Variants in C3orf33 observed in about 807,000 individuals in gnomAD.
The protein encoded by C3orf33 is AP-1 activity suppressor.
In C3orf33, 23 loss-of-function variants were observed where a neutral mutation model predicts 28.7. The observed-to-expected ratio is 0.80, with a 90% CI of 0.58 to 1.13. The LOEUF (loss-of-function observed/expected upper bound fraction) is 1.13, where lower values mean the gene tolerates loss of function less well. Among genes scored for constraint, C3orf33 ranks in the 50% most tolerant of loss-of-function variants. The pLI, the probability that C3orf33 is intolerant of heterozygous loss-of-function variation, is 0.00. For synonymous variants in C3orf33, 119 were observed against 120.5 expected, an observed-to-expected ratio of 0.99 and a Z score of 0.08; for missense variants, 327 against 353.4, an observed-to-expected ratio of 0.93 and a Z score of 0.60.
intron 2 of C3orf33, among the ~76,000 whole-genome samples, chr3:155,801,914 C>T: frequency 6.6e-6 from 1 of 152,008 alleles, no homozygotes; most frequent in East Asian, 1.9e-4. Flanking sequence ...CCACACCTGG[C>T]TAATTGTTTG....
chr3:155,783,143 T>A (rs112445334), intron 2 of C3orf33, among the ~76,000 whole-genome samples: 2,806 of 151,492 alleles, frequency 0.019, 54 homozygotes, highest in Non-Finnish European at 0.029. Flanking sequence ...TAAGGGATAC[T>A]CAACCCATTC....
rs149128542 is a variant in C3orf33, at chr3:155,801,372, C to T, written c.174+1160G>A. On this transcript the variant is annotated intron_variant, in intron 2 of 4. Coordinates refer to ENST00000340171, the MANE Select transcript of C3orf33 (RefSeq NM_001308229.2). ...ATCTAATCCACTTCTGGGTATATAA[C>T]TGAATCTCAAAATAACTAAAAGTAG... Among the ~76,000 whole-genome samples, 13 of 151,284 alleles carry T rather than the reference C, an allele frequency of 8.6e-5. 1 individual carries two copies. Among genetic ancestry groups the T allele is most frequent in the Admixed American group, 1.3e-4 (2 of 15,138 alleles).
At chr3:155,791,481 G>C (rs987686241) in intron 2 of C3orf33, among the ~76,000 whole-genome samples, 6 of 152,098 alleles carry the variant, frequency 3.9e-5, no homozygotes, top group African/African-American at 1.4e-4. Context: ...TGCAGCTTAG[G>C]TATCAGCTTT....
intron 1 of C3orf33, chr3:155,805,504 G>A: frequency 2.4e-6 from 1 of 416,698 alleles, no homozygotes; most frequent in Non-Finnish European, 4.9e-6. Flanking sequence ...GAGATCACTT[G>A]AGGCCAGGAG....
intron 2 of C3orf33, among the ~76,000 whole-genome samples, chr3:155,799,530 A>C (rs1292359765): frequency 6.6e-6 from 1 of 152,080 alleles, no homozygotes; most frequent in Non-Finnish European, 1.5e-5. Flanking sequence ...CTCTCCAAAA[A>C]GTACAAAAAT....
intron 2 of C3orf33, among the ~76,000 whole-genome samples, chr3:155,785,079 C>T (rs956145687): frequency 2.0e-5 from 3 of 151,242 alleles, no homozygotes; most frequent in African/African-American, 7.3e-5. Context: ...GGTACCTAAA[C>T]CAATATCAGA....
intron 2 of C3orf33, among the ~76,000 whole-genome samples, chr3:155,783,773 A>G (rs1012203243): frequency 6.6e-6 from 1 of 152,190 alleles, no homozygotes; most frequent in Non-Finnish European, 1.5e-5. Context: ...GGCCTGTACT[A>G]CATTTTTAAA....
chr3:155,783,929 G>T lies in C3orf33; in HGVS notation c.175-8081C>A, dbSNP rs535506697. Among the ~76,000 whole-genome samples the T allele has an allele frequency of 1.2e-3, 172 of 145,776 alleles. 1 individual carries two copies. Among genetic ancestry groups the T allele is most frequent in the Admixed American group, 0.01 (148 of 14,578 alleles). ...TTTGTTTTGTTTTGTTTTGTTTGGG[G>T]TTTTTTTTTTGTTTTTTTTGAGACA... is the stretch of plus-strand genomic sequence containing the variant. On this transcript the variant is annotated intron_variant, in intron 2 of 4. Coordinates refer to ENST00000340171, the MANE Select transcript of C3orf33 (RefSeq NM_001308229.2).
chr3:155,763,828 T>C lies in C3orf33; in HGVS notation c.574A>G (p.Lys192Glu). The C allele has an allele frequency of 1.3e-6, 2 of 1,577,304 alleles. No individual in the cohort carries two copies. The highest frequency in any genetic ancestry group is 1.7e-6 in the Non-Finnish European group (2 of 1,167,578). ...VLVKGLKYDSKIYWTVHRNLL... is the reference protein window; with the variant it reads ...VLVKGLKYDSEIYWTVHRNLL... ...TTTCTGTGAACTGTCCAGTAGATTT[T>C]AGAATCATATTTAAGCCCTTTAACA... The change falls in exon 5 of 5, where the codon AAA becomes GAA. Residue 192 changes from lysine (K) to glutamate (E), a missense_variant. Coordinates refer to ENST00000340171, the MANE Select transcript of C3orf33 (RefSeq NM_001308229.2).
intron 3 of C3orf33, among the ~76,000 whole-genome samples, chr3:155,770,733 A>G (rs1559988686): frequency 6.6e-6 from 1 of 151,652 alleles, no homozygotes; most frequent in Admixed American, 6.6e-5. Context: ...CAATGGTGCA[A>G]TCTTGGCTCA....
At position 155,763,457 on chromosome 3, in the gene C3orf33, G is replaced by A. The variant is rs1293732791; in HGVS notation, c.*60C>T. On this transcript the variant is annotated 3_prime_UTR_variant, in exon 5 of 5. Coordinates refer to ENST00000340171, the MANE Select transcript of C3orf33 (RefSeq NM_001308229.2). ...CTTCCATTTTGATTCAATGAAAAAC[G>A]TCCATATATTTACATATTTCACTCT... 41 of 1,257,364 alleles carry A rather than the reference G, an allele frequency of 3.3e-5. No individual in the cohort carries two copies. The highest frequency in any genetic ancestry group is 7.1e-5 in the Admixed American group (2 of 28,366). 77.9% of individuals were successfully genotyped at this position (1,257,364 alleles called of 1,614,324 possible).
intron 1 of C3orf33, chr3:155,805,619 G>A (rs756289875): frequency 2.2e-6 from 1 of 454,596 alleles, no homozygotes; most frequent in South Asian, 1.6e-5. Flanking sequence ...CTACTCGGGA[G>A]GCTGAAGTGG....
intron 2 of C3orf33, among the ~76,000 whole-genome samples, chr3:155,796,009 C>G (rs751572769): frequency 5.3e-5 from 8 of 151,896 alleles, no homozygotes; most frequent in African/African-American, 1.9e-4. Flanking sequence ...CCATGGGATA[C>G]AGCAAAAGCA....
At chr3:155,799,660 C>G (rs1751583010) in intron 2 of C3orf33, among the ~76,000 whole-genome samples, 1 of 152,046 alleles carries the variant, frequency 6.6e-6, no homozygotes, top group Admixed American at 6.6e-5. Context: ...CTGCACTCAA[C>G]CTGGGTGACA....
chr3:155,805,672 C>T (rs886637721), intron 1 of C3orf33: 3 of 454,358 alleles, frequency 6.6e-6, no homozygotes, highest in Non-Finnish European at 1.3e-5. Context: ...CAGCAGTGAG[C>T]TATGATCGTG....
At chr3:155,787,420 G>T (rs1271202549) in intron 2 of C3orf33, among the ~76,000 whole-genome samples, 1 of 148,540 alleles carries the variant, frequency 6.7e-6, no homozygotes, top group Non-Finnish European at 1.5e-5. Context: ...CATGATCTCG[G>T]CTCACTGTGC....
At position 155,763,649 on chromosome 3, in the gene C3orf33, G is replaced by A. The variant is rs1750305013; in HGVS notation, c.753C>T (p.Ser251=). The part of the protein sequence containing the change: ...SFLKTTGSDF[S]LKKESYYEKL... ...TTTCATAATAACTTTCTTTTTTCAAGCTGAAATCTGATCCTGTTGTTTTTA... is the reference window on the plus strand; with the variant it reads ...TTTCATAATAACTTTCTTTTTTCAAACTGAAATCTGATCCTGTTGTTTTTA... The change falls in exon 5 of 5, where the codon AGC becomes AGT. Residue 251 remains serine, a synonymous_variant. Transcript: ENST00000340171. The A allele has an allele frequency of 6.3e-7, 1 of 1,594,172 alleles. No individual in the cohort carries two copies. Among genetic ancestry groups the A allele is most frequent in the East Asian group, 2.2e-5 (1 of 44,498 alleles).
chr3:155,773,795 T>C (rs1245313733), intron 3 of C3orf33, among the ~76,000 whole-genome samples: 14 of 152,154 alleles, frequency 9.2e-5, no homozygotes, highest in Non-Finnish European at 1.6e-4. Flanking sequence ...TACTATCAGA[T>C]AGGAGAGATT....
chr3:155,781,649 G>C (rs1349731430), intron 2 of C3orf33, among the ~76,000 whole-genome samples: 1 of 149,662 alleles, frequency 6.7e-6, no homozygotes, highest in Non-Finnish European at 1.5e-5. Context: ...CATGCCTGTA[G>C]TCCCAGCTAC....
Sources: allele counts gnomAD v4.1 joint callset (sites outside exome capture counted in the v4.1 genomes callset), GRCh38; gene constraint gnomAD v4.1.1; transcripts MANE v1.5; gene names NCBI Gene and HGNC (gene_info 2026-07-23, HGNC 2026-07-21).